The following LRRC37A2 variants were observed in gnomAD, a reference collection of about 807,000 sequenced individuals.
LRRC37A2 encodes the protein leucine-rich repeat-containing protein 37A2.
Under a neutral mutation model 68.8 loss-of-function variants are expected in LRRC37A2, and 9 were observed. The ratio of observed to expected loss-of-function variants is 0.13; its 90% CI spans 0.08 to 0.23. The LOEUF is 0.23. Ranked by LOEUF, LRRC37A2 falls within the 10% of genes least tolerant of loss-of-function variation. The pLI is 1.00. For missense variants in LRRC37A2, 168 were observed against 950.4 expected (o/e 0.18, Z 10.82); for synonymous variants, 63 against 367.6 (o/e 0.17, Z 9.48).
the LRRC37A2 span, among the ~76,000 whole-genome samples, chr17:46,990,155 A>G: frequency 2.6e-5 from 4 of 152,342 alleles, no homozygotes; most frequent in African/African-American, 7.2e-5. Context: ...TCCTCTCCAC[A>G]GTGGAAAGAT....
chr17:46,979,026 G>A, the LRRC37A2 span: 182 of 1,388,438 alleles, frequency 1.3e-4, no homozygotes, highest in Non-Finnish European at 1.6e-4. Flanking sequence ...GGCGCCGGGG[G>A]TCTCGGCGCG....
At chr17:46,458,531 C>CTTTTTTTTTT in the LRRC37A2 span, among the ~76,000 whole-genome samples, 16 of 39,932 alleles carry the variant, frequency 4.0e-4, 1 homozygote, top group Non-Finnish European at 5.0e-4. Flanking sequence ...TCTTCTTCTT[C>CTTTTTTTTTT]TTTTTTTTTT....
the LRRC37A2 span, among the ~76,000 whole-genome samples, chr17:46,389,179 G>A: frequency 6.6e-6 from 1 of 150,828 alleles, no homozygotes; most frequent in African/African-American, 2.4e-5. Context: ...TGGGCAACAG[G>A]GTGAGACTCT....
chr17:46,908,935 G>A, the LRRC37A2 span, among the ~76,000 whole-genome samples: 1 of 152,188 alleles, frequency 6.6e-6, no homozygotes, highest in Non-Finnish European at 1.5e-5. Flanking sequence ...GCATGAGGAG[G>A]CCCTGGGCTG....
the LRRC37A2 span, among the ~76,000 whole-genome samples, chr17:46,981,639 C>T: frequency 1.3e-5 from 2 of 152,160 alleles, no homozygotes; most frequent in African/African-American, 2.4e-5. Context: ...CATACCCATC[C>T]TGATACTCAT....
the LRRC37A2 span, among the ~76,000 whole-genome samples, chr17:46,965,721 C>T: frequency 6.6e-6 from 1 of 152,204 alleles, no homozygotes; most frequent in South Asian, 2.1e-4. Context: ...CTCCTGGGCT[C>T]AATTGATCCT....
the LRRC37A2 span, among the ~76,000 whole-genome samples, chr17:46,815,819 C>T: frequency 6.6e-6 from 1 of 152,192 alleles, no homozygotes; most frequent in African/African-American, 2.4e-5. Flanking sequence ...CTTTTGCTTC[C>T]TGTTGGACCT....
At chr17:46,910,651 A>G in the LRRC37A2 span, among the ~76,000 whole-genome samples, 1 of 152,238 alleles carries the variant, frequency 6.6e-6, no homozygotes. Context: ...GTGAATGCCA[A>G]GAACAATCAA....
chr17:46,774,235 T>A, the LRRC37A2 span, among the ~76,000 whole-genome samples: 23 of 152,354 alleles, frequency 1.5e-4, no homozygotes, highest in African/African-American at 5.5e-4. Flanking sequence ...GATCCAGTCC[T>A]TTCCAGGTTC....
At chr17:47,041,454 T>C in the LRRC37A2 span, among the ~76,000 whole-genome samples, 23 of 90,450 alleles carry the variant, frequency 2.5e-4, no homozygotes, top group Non-Finnish European at 1.5e-4. Context: ...GGATGTCTCT[T>C]TTTTTTTTTT....
chr17:47,006,989 A>G, the LRRC37A2 span, among the ~76,000 whole-genome samples: 4 of 152,174 alleles, frequency 2.6e-5, no homozygotes, highest in African/African-American at 9.7e-5. Context: ...GCTCCTATTC[A>G]TGGTTCCAGA....
chr17:46,737,384 C>T, the LRRC37A2 span, among the ~76,000 whole-genome samples: 9 of 152,156 alleles, frequency 5.9e-5, no homozygotes, highest in African/African-American at 2.2e-4. Flanking sequence ...AATTTTTTAG[C>T]ATCAGCATAT....
the LRRC37A2 span, among the ~76,000 whole-genome samples, chr17:46,493,758 T>C: frequency 6.7e-6 from 1 of 149,688 alleles, no homozygotes; most frequent in Non-Finnish European, 1.5e-5. Context: ...AGGATGGTCT[T>C]GATCTCCTGA....
the LRRC37A2 span, among the ~76,000 whole-genome samples, chr17:46,827,482 G>A: frequency 2.0e-5 from 3 of 152,130 alleles, no homozygotes; most frequent in African/African-American, 4.8e-5. Flanking sequence ...GAAGCTGACC[G>A]GCAGAGGAAG....
the LRRC37A2 span, among the ~76,000 whole-genome samples, chr17:46,828,052 C>T: frequency 2.0e-5 from 3 of 151,762 alleles, no homozygotes; most frequent in East Asian, 1.9e-4. Context: ...CCTCATGATC[C>T]GCCGACCTCA....
chr17:46,923,720 A>G, the LRRC37A2 span: 1 of 470,246 alleles, frequency 2.1e-6, no homozygotes, highest in Non-Finnish European at 3.4e-6. Flanking sequence ...TCCACGTAGC[A>G]TTCACTATTA....
intron 6 of LRRC37A2, among the ~76,000 whole-genome samples, chr17:46,535,143 C>T (rs1356307230): frequency 4.7e-5 from 7 of 148,840 alleles, no homozygotes; most frequent in Non-Finnish European, 4.4e-5. Flanking sequence ...ATTCTTGAGC[C>T]TCAAGCCTCC....
the LRRC37A2 span, among the ~76,000 whole-genome samples, chr17:46,808,654 G>A: frequency 3.3e-5 from 5 of 152,158 alleles, no homozygotes; most frequent in Admixed American, 1.3e-4. Flanking sequence ...GTCAACAAAC[G>A]TATTAACCTG....
the LRRC37A2 span, among the ~76,000 whole-genome samples, chr17:46,829,806 G>C: frequency 6.6e-6 from 1 of 151,898 alleles, no homozygotes; most frequent in South Asian, 2.1e-4. Flanking sequence ...TGGGGTGGGG[G>C]GAGCATGAGT....
Sources: gnomAD v4.1 joint callset for allele counts (sites outside exome capture counted in the v4.1 genomes callset) on GRCh38, gnomAD v4.1.1 for gene constraint, MANE v1.5 for transcripts, NCBI Gene and HGNC (gene_info 2026-07-23, HGNC 2026-07-21) for gene names.